ATG13: variants seen among roughly 807,000 people sequenced by gnomAD.
ATG13 encodes the protein autophagy related 13, also known as autophagy-related protein 13.
A neutral mutation model predicts 65.5 loss-of-function variants in ATG13; 23 were observed. The ratio of observed to expected loss-of-function variants is 0.35; its 90% confidence interval spans 0.25 to 0.50. ATG13 has a LOEUF of 0.50. ATG13 is among the 20% of genes least tolerant of loss of function. The pLI, the probability that ATG13 is intolerant of heterozygous loss-of-function variation, is 0.98. For missense variants in ATG13, 566 were observed against 677.0 expected (o/e 0.84, Z 1.82); for synonymous variants, 252 against 245.2 (o/e 1.03, Z -0.26).
intron 7 of ATG13, among the ~76,000 whole-genome samples, chr11:46,654,470 C>A (rs1182148850): frequency 4.6e-5 from 7 of 151,424 alleles, no homozygotes; most frequent in Admixed American, 3.9e-4. Flanking sequence ...CCTGTAATCC[C>A]AGCACTTTGG....
intron 7 of ATG13, 150 bp downstream of exon 7, chr11:46,650,467 G>A (rs2058664970): frequency 1.8e-6 from 2 of 1,116,602 alleles, no homozygotes; most frequent in Admixed American, 4.7e-5. Flanking sequence ...TCACTATCCA[G>A]CCTGCCTTAT....
rs1412278279 is a variant in ATG13, at chr11:46,672,480, C to T, written c.*148C>T. ...TCCCATGGGGACCCAGAAGTCCCTA[C>T]TCTTGGACCTCCTGGAGACTCCGTG... On this transcript the variant is annotated 3_prime_UTR_variant, in exon 19 of 19. Transcript: ENST00000683050. 10 of 1,522,040 alleles carry T rather than the reference C, an allele frequency of 6.6e-6. No individual in the cohort carries two copies. The highest frequency in any genetic ancestry group is 8.8e-6 in the Non-Finnish European group (10 of 1,136,372). The allele number at this position is 1,522,040 out of a possible 1,614,324, so 94.3% of individuals were successfully genotyped here. A position where few individuals can be genotyped will look rare whatever the true frequency, so the allele number is the denominator to read the frequency against.
chr11:46,656,184 C>T, intron 7 of ATG13, 49 bp from the exon 8 acceptor site: 2 of 1,565,942 alleles, frequency 1.3e-6, no homozygotes, highest in Non-Finnish European at 1.8e-6. Flanking sequence ...TATAGAGGCC[C>T]TTAGGAGTAA....
Position 46,672,939 on chromosome 11 carries a change from C to A in ATG13, c.*607C>A. ...CCTACCCAAGATCAGAACTCCAAAA[C>A]CACTCCCACCCCTGAAGGTCGGGAG... is the stretch of plus-strand genomic sequence containing the variant. On this transcript the variant is annotated 3_prime_UTR_variant, in exon 19 of 19. Transcript: ENST00000683050. 1 of 638,060 alleles carries A rather than the reference C, an allele frequency of 1.6e-6. No homozygotes were observed. Among genetic ancestry groups the A allele is most frequent in the Non-Finnish European group, 2.3e-6 (1 of 444,198 alleles). The allele number at this position is 638,060 out of a possible 1,614,324, so 39.5% of individuals were successfully genotyped here.
intron 9 of ATG13, 78 bp downstream of exon 9, chr11:46,657,269 A>G (rs1196671853): frequency 6.0e-6 from 8 of 1,331,962 alleles, no homozygotes; most frequent in Admixed American, 1.8e-5. Context: ...TTAAGACTAA[A>G]CCTACAATTC....
chr11:46,663,978 T>C lies in ATG13; in HGVS notation c.790-19T>C, dbSNP rs1173617508. The C allele has an allele frequency of 2.4e-6, 3 of 1,249,532 alleles. No individual in the cohort carries two copies. Among genetic ancestry groups the C allele is most frequent in the Non-Finnish European group, 3.3e-6 (3 of 897,892 alleles). 77.4% of individuals were successfully genotyped at this position (1,249,532 alleles called of 1,614,324 possible). A position where few individuals can be genotyped will look rare whatever the true frequency, so the allele number is the denominator to read the frequency against. On this transcript the variant is annotated intron_variant, in intron 11 of 18. Coordinates refer to ENST00000683050, the MANE Select transcript of ATG13 (RefSeq NM_001346311.2). The stretch of plus-strand genomic sequence containing the variant: ...TTTTTTTTTTTGTTTCTCCTGTCTC[T>C]GTGTGTGTCTGTGCACAGTGTGTGT...
chr11:46,649,004 C>G (rs901167782), intron 5 of ATG13, 133 bp from the exon 6 acceptor site: 10 of 669,258 alleles, frequency 1.5e-5, no homozygotes, highest in Non-Finnish European at 2.1e-5. Flanking sequence ...AGAGAAGAGG[C>G]TTGTTCGATT....
At chr11:46,653,838 G>A (rs968164036) in intron 7 of ATG13, among the ~76,000 whole-genome samples, 8 of 151,854 alleles carry the variant, frequency 5.3e-5, no homozygotes, top group African/African-American at 1.9e-4. Context: ...CAAAGTGCTG[G>A]GATTACAGGC....
At chr11:46,658,469 G>A (rs1216130964) in intron 10 of ATG13, among the ~76,000 whole-genome samples, 1 of 152,116 alleles carries the variant, frequency 6.6e-6, no homozygotes, top group South Asian at 2.1e-4. Flanking sequence ...GCTGAGATCT[G>A]TGGATTGCTC....
At chr11:46,671,704 A>G (rs1359400450) in intron 18 of ATG13, among the ~76,000 whole-genome samples, 1 of 152,158 alleles carries the variant, frequency 6.6e-6, no homozygotes, top group African/African-American at 2.4e-5. Flanking sequence ...ATCACACCAC[A>G]GCACTCCAGC....
At chr11:46,656,366 G>T in intron 8 of ATG13, 93 bp downstream of exon 8, 1 of 1,323,428 alleles carries the variant, frequency 7.6e-7, no homozygotes. Context: ...TATGTAGATT[G>T]TCATCTTAAT....
intron 18 of ATG13, 127 bp from the exon 19 acceptor site, chr11:46,672,128 C>A: frequency 6.8e-7 from 1 of 1,469,156 alleles, no homozygotes; most frequent in Non-Finnish European, 9.3e-7. Context: ...CCTGCGTTCT[C>A]CCACTTGCTC....
chr11:46,638,996 A>ATT (rs527655119), intron 2 of ATG13, among the ~76,000 whole-genome samples: 3 of 146,302 alleles, frequency 2.1e-5, no homozygotes, highest in Non-Finnish European at 3.0e-5. Flanking sequence ...TTATTTATTT[A>ATT]TTTTTTTTTG....
At chr11:46,639,802 T>C (rs538620997) in intron 2 of ATG13, among the ~76,000 whole-genome samples, 41 of 152,064 alleles carry the variant, frequency 2.7e-4, no homozygotes, top group Non-Finnish European at 4.9e-4. Flanking sequence ...GGGGGGCCTT[T>C]AAACTGTTTG....
At chr11:46,637,038 A>G (rs527814462) in intron 2 of ATG13, among the ~76,000 whole-genome samples, 5 of 152,112 alleles carry the variant, frequency 3.3e-5, no homozygotes, top group African/African-American at 7.2e-5. Context: ...TTGAGAAAGA[A>G]TTCTACAAAC....
At position 46,645,433 on chromosome 11, in the gene ATG13, A is replaced by C; in HGVS notation, c.150+14A>C. ...GGTTCAGATTGGGTAAAATTCTATT[A>C]TTTACTAAGGTGTATACTGTAGTGT... is the stretch of plus-strand genomic sequence containing the variant. On this transcript the variant is annotated intron_variant, in intron 4 of 18. Transcript: ENST00000683050. The C allele has an allele frequency of 6.2e-7, 1 of 1,606,360 alleles. No individual in the cohort carries two copies. Among genetic ancestry groups the C allele is most frequent in the East Asian group, 2.2e-5 (1 of 44,824 alleles).
chr11:46,661,316 G>C (rs1176588824), intron 11 of ATG13, among the ~76,000 whole-genome samples: 2 of 151,988 alleles, frequency 1.3e-5, no homozygotes, highest in Non-Finnish European at 2.9e-5. Context: ...AGGAGTTTGA[G>C]ACCAGCCTGG....
At chr11:46,667,909 C>T (rs2062734551) in intron 15 of ATG13, 22 bp downstream of exon 15, 1 of 1,568,536 alleles carries the variant, frequency 6.4e-7, no homozygotes, top group Non-Finnish European at 8.8e-7. Flanking sequence ...GCCACTGCCA[C>T]CTGTGAGAAT....
intron 1 of ATG13, among the ~76,000 whole-genome samples, chr11:46,618,622 GTAT>G (rs2135482224): frequency 6.6e-6 from 1 of 152,306 alleles, no homozygotes; most frequent in Non-Finnish European, 1.5e-5. Context: ...AGTGGGAGAT[GTAT>G]TATAATAAGA....
Sources: gnomAD v4.1 joint callset for allele counts (sites outside exome capture counted in the v4.1 genomes callset) on GRCh38, gnomAD v4.1.1 for gene constraint, MANE v1.5 for transcripts, NCBI Gene and HGNC (gene_info 2026-07-23, HGNC 2026-07-21) for gene names.